Variants in FRMPD2 observed in about 807,000 individuals in gnomAD.
FRMPD2 encodes the protein FERM and PDZ domain containing 2, also known as FERM and PDZ domain-containing protein 2.
In FRMPD2, 96 loss-of-function variants were observed where a neutral mutation model predicts 140.1. The observed-to-expected ratio is 0.69, with a 90% CI of 0.58 to 0.81. The LOEUF is 0.81. Ranked by LOEUF, FRMPD2 falls within the 40% of genes least tolerant of loss-of-function variation. FRMPD2 has a pLI of 0.00. For missense variants in FRMPD2, 1,240 were observed against 1,447.4 expected, an observed-to-expected ratio of 0.86 and a Z score of 2.32; for synonymous variants, 449 against 547.6, an observed-to-expected ratio of 0.82 and a Z score of 2.52.
rs868948144 is a variant in FRMPD2, at chr10:48,174,444, G to C, written c.3075+426C>G. Among the ~76,000 whole-genome samples, 10 of 152,192 alleles carry C rather than the reference G, an allele frequency of 6.6e-5. No individual in the cohort carries two copies. The South Asian group carries it at 8.3e-4, about 13-fold the overall frequency. On this transcript the variant is annotated intron_variant, in intron 24 of 28. Transcript: ENST00000374201. ...CCCTGGTGGGTACAACACAGGGTGA[G>C]GGGGAATGGCATGAACAGGGAACGG...
At chr10:48,204,464 T>A (rs1839159363) in intron 14 of FRMPD2, among the ~76,000 whole-genome samples, 1 of 152,130 alleles carries the variant, frequency 6.6e-6, no homozygotes, top group Non-Finnish European at 1.5e-5. Context: ...CAATCCACCA[T>A]GCTAGAAGAA....
At chr10:48,263,724 A>G (rs893711539) in intron 1 of FRMPD2, among the ~76,000 whole-genome samples, 1 of 152,198 alleles carries the variant, frequency 6.6e-6, no homozygotes, top group Non-Finnish European at 1.5e-5. Context: ...ACATTTAAGG[A>G]AAAGATGACG....
chr10:48,244,865 G>C lies in FRMPD2; in HGVS notation c.310-16C>G, dbSNP rs766459373. 2 of 1,576,876 alleles carry C rather than the reference G, an allele frequency of 1.3e-6. No individual in the cohort carries two copies. The highest frequency in any genetic ancestry group is 1.7e-6 in the Non-Finnish European group (2 of 1,146,194). On this transcript the variant is annotated splice_polypyrimidine_tract_variant and intron_variant, in intron 3 of 28. Transcript: ENST00000374201. ...AGACATGCATCTGCCCAAAAGAAGA[G>C]TACATGATTAGATTTCAATCATCTC...
chr10:48,249,281 C>T, intron 2 of FRMPD2, 103 bp from the exon 3 acceptor site: 1 of 1,110,632 alleles, frequency 9.0e-7, no homozygotes, highest in Non-Finnish European at 1.3e-6. Flanking sequence ...ATCTCTGGGA[C>T]TGAATGTGAG....
At chr10:48,218,908 A>C (rs773615209) in intron 12 of FRMPD2, among the ~76,000 whole-genome samples, 1 of 152,174 alleles carries the variant, frequency 6.6e-6, no homozygotes, top group African/African-American at 2.4e-5. Context: ...CAAGACAATA[A>C]ATGACATGTT....
At chr10:48,226,011 A>G (rs1839713440) in intron 10 of FRMPD2, among the ~76,000 whole-genome samples, 1 of 152,224 alleles carries the variant, frequency 6.6e-6, no homozygotes, top group African/African-American at 2.4e-5. Context: ...GTTTGTGTAC[A>G]GAATTTAAAT....
intron 15 of FRMPD2, among the ~76,000 whole-genome samples, chr10:48,194,006 T>C (rs1838898301): frequency 1.3e-5 from 2 of 152,334 alleles, no homozygotes; most frequent in South Asian, 4.1e-4. Context: ...GGAATATAAG[T>C]AAATTAAATG....
chr10:48,206,908 C>T lies in FRMPD2; in HGVS notation c.1637G>A (p.Gly546Asp). 1 of 1,613,926 alleles carries T rather than the reference C, an allele frequency of 6.2e-7. No homozygotes were observed. The highest frequency in any genetic ancestry group is 8.5e-7 in the Non-Finnish European group (1 of 1,179,878). Residue 546 changes from glycine to aspartate, a missense_variant, in exon 14 of 29, where the codon GGT (glycine) becomes GAT (aspartate). Gly to Asp is a moderately conservative substitution (Grantham distance 94, BLOSUM62 -1). Around this residue, in one of 6 missense-constraint regions of FRMPD2, gnomAD observed 1,161 missense variants for 1,055.9 expected, o/e 1.10. Coordinates refer to ENST00000374201, the MANE Select transcript of FRMPD2 (RefSeq NM_001018071.4). The stretch of plus-strand genomic sequence containing the variant: ...TGAGAATACTTGGTGAACCAGCACA[C>T]CGTATTCTGGGAGCTGCTGAGTGAC... Reference protein sequence around the residue: ...LRVTQQLPEYGVLVHQVFSEK... With the variant: ...LRVTQQLPEYDVLVHQVFSEK...
At chr10:48,170,552 A>T (rs1284771630) in intron 26 of FRMPD2, among the ~76,000 whole-genome samples, 1 of 151,518 alleles carries the variant, frequency 6.6e-6, no homozygotes, top group Non-Finnish European at 1.5e-5. Context: ...TAATATATAC[A>T]GTATTTCATT....
chr10:48,251,646 C>T lies in FRMPD2; in HGVS notation c.71G>A (p.Arg24Lys). 6 of 1,614,240 alleles carry T rather than the reference C, an allele frequency of 3.7e-6. No individual in the cohort carries two copies. Among genetic ancestry groups the T allele is most frequent in the Non-Finnish European group, 5.1e-6 (6 of 1,180,038 alleles). Residue 24 changes from arginine to lysine, a missense_variant, in exon 2 of 29, where the codon AGG becomes AAG. This residue lies in a region of FRMPD2 where 1,161 missense variants were observed against 1,055.9 expected (regional missense o/e 1.10). Coordinates refer to ENST00000374201, the MANE Select transcript of FRMPD2 (RefSeq NM_001018071.4). ...TTCCTCCTCAGACAGAGCTTCACCCCTGACCTGTAGGGCGCTGGCCAGCGT... is the reference window on the plus strand; with the variant it reads ...TTCCTCCTCAGACAGAGCTTCACCCTTGACCTGTAGGGCGCTGGCCAGCGT... Reference protein sequence around the residue: ...SVTLASALQVRGEALSEEEIW... With the variant: ...SVTLASALQVKGEALSEEEIW...
intron 1 of FRMPD2, among the ~76,000 whole-genome samples, chr10:48,257,828 C>T (rs1037092766): frequency 1.3e-5 from 2 of 152,184 alleles, no homozygotes; most frequent in Admixed American, 1.3e-4. Flanking sequence ...AGGTGATGAG[C>T]ACATCATATT....
intron 1 of FRMPD2, among the ~76,000 whole-genome samples, chr10:48,265,217 A>T (rs1775942148): frequency 6.6e-6 from 1 of 152,178 alleles, no homozygotes; most frequent in African/African-American, 2.4e-5. Context: ...ATAAACTCAA[A>T]ATGGATTAAA....
chr10:48,209,407 G>A (rs369930150), intron 13 of FRMPD2, among the ~76,000 whole-genome samples: 117 of 152,206 alleles, frequency 7.7e-4, no homozygotes, highest in Non-Finnish European at 1.4e-3. Context: ...GGTATTCAGC[G>A]CTTCCCAAAC....
intron 27 of FRMPD2, among the ~76,000 whole-genome samples, chr10:48,166,590 A>G (rs1302960087): frequency 8.5e-6 from 1 of 117,680 alleles, no homozygotes; most frequent in African/African-American, 3.4e-5. Flanking sequence ...CTGCTTCATT[A>G]ACGATGGCCC....
rs1242334119 is a variant in FRMPD2 at position 48,161,281 on chromosome 10, C to T, written c.3881+2047G>A. Among the ~76,000 whole-genome samples the T allele has an allele frequency of 3.3e-5, 5 of 150,404 alleles. No individual in the cohort carries two copies. In the East Asian group the frequency reaches 7.9e-4, roughly 24 times the overall value. ...CGTGTGGCTCTAAAAGGAGCAGTCCCTCCAAGAATGACAGATTTTGGACAT... is the reference window on the plus strand; with the variant it reads ...CGTGTGGCTCTAAAAGGAGCAGTCCTTCCAAGAATGACAGATTTTGGACAT... On this transcript the variant is annotated intron_variant, in intron 28 of 28. Coordinates refer to ENST00000374201, the MANE Select transcript of FRMPD2 (RefSeq NM_001018071.4).
chr10:48,201,068 A>G (rs1411155423), intron 15 of FRMPD2, among the ~76,000 whole-genome samples, 160 bp downstream of exon 15: 2 of 152,230 alleles, frequency 1.3e-5, no homozygotes, highest in African/African-American at 4.8e-5. Context: ...CCAACATGAG[A>G]AAATAAAACT....
In FRMPD2 at chr10:48,238,667, G is replaced by A. The variant is rs539834111; in HGVS notation, c.789-544C>T. 1.6e-4 allele frequency among the ~76,000 whole-genome samples: 24 copies of A among 152,264 alleles called. No homozygotes were observed. In the South Asian group the frequency reaches 5.0e-3, roughly 32 times the overall value. ...AAGACACTGTTACAGCCCTCAACAG[G>A]TCACCATGTGAATAAATAAATCACC... On this transcript the variant is annotated intron_variant, in intron 7 of 28. Coordinates refer to ENST00000374201, the MANE Select transcript of FRMPD2 (RefSeq NM_001018071.4).
intron 7 of FRMPD2, among the ~76,000 whole-genome samples, chr10:48,239,163 C>A (rs1233062496): frequency 6.6e-6 from 1 of 152,196 alleles, no homozygotes; most frequent in Non-Finnish European, 1.5e-5. Context: ...CGAAGACAGT[C>A]AAAAAGGCAG....
At chr10:48,242,422 A>T in intron 4 of FRMPD2, 70 bp from the exon 5 acceptor site, 1 of 1,415,844 alleles carries the variant, frequency 7.1e-7, no homozygotes, top group Non-Finnish European at 9.8e-7. Flanking sequence ...GCACCTTGTC[A>T]GGCAGGCCTT....
Sources: gnomAD v4.1 joint callset for allele counts (sites outside exome capture counted in the v4.1 genomes callset) on GRCh38, gnomAD v4.1.1 for gene constraint, gnomAD v4.1.1 regional missense constraint, MANE v1.5 for transcripts, NCBI Gene and HGNC (gene_info 2026-07-23, HGNC 2026-07-21) for gene names.